Variants in CDKAL1 observed in about 807,000 individuals in gnomAD.
CDKAL1 encodes CDKAL1 threonylcarbamoyladenosine tRNA methylthiotransferase, also known as threonylcarbamoyladenosine tRNA methylthiotransferase.
A neutral mutation model predicts 68.2 loss-of-function variants in CDKAL1; 32 were observed. That is an observed-to-expected ratio of 0.47 (90% CI 0.35 to 0.63). The LOEUF is 0.63. CDKAL1 is among the 30% of genes least tolerant of loss of function. The pLI, the probability that CDKAL1 is intolerant of heterozygous loss-of-function variation, is 0.00. For synonymous variants in CDKAL1, 234 were observed against 244.3 expected (o/e 0.96, Z 0.39); for missense variants, 606 against 696.7 (o/e 0.87, Z 1.47).
intron 11 of CDKAL1, among the ~76,000 whole-genome samples, chr6:21,052,621 C>T (rs1347833393): frequency 7.3e-6 from 1 of 136,416 alleles, no homozygotes; most frequent in Non-Finnish European, 1.5e-5. Context: ...GATCCTCTTT[C>T]CTTGGCCTCC....
intron 9 of CDKAL1, among the ~76,000 whole-genome samples, chr6:20,914,498 T>C (rs879310122): frequency 2.0e-5 from 3 of 152,130 alleles, no homozygotes; most frequent in African/African-American, 4.8e-5. Context: ...TACCCCACCC[T>C]AGCTAAGTGT....
intron 13 of CDKAL1, among the ~76,000 whole-genome samples, chr6:21,149,689 A>G (rs185045073): frequency 6.6e-6 from 1 of 152,236 alleles, no homozygotes; most frequent in Admixed American, 6.5e-5. Context: ...GCCTTTCTGA[A>G]AGTGACTGCG....
chr6:20,734,720 A>G (rs567302055), intron 5 of CDKAL1, among the ~76,000 whole-genome samples: 1 of 152,356 alleles, frequency 6.6e-6, no homozygotes, highest in South Asian at 2.1e-4. Context: ...AAATTTAAAA[A>G]AATAATGAAA....
chr6:20,896,014 T>C (rs550469270), intron 9 of CDKAL1, among the ~76,000 whole-genome samples: 1 of 151,982 alleles, frequency 6.6e-6, no homozygotes, highest in South Asian at 2.1e-4. Context: ...TTCTGAGCAA[T>C]GACTGAAAGG....
chr6:21,111,771 A>G (rs1296304287), intron 13 of CDKAL1, among the ~76,000 whole-genome samples: 1 of 152,224 alleles, frequency 6.6e-6, no homozygotes, highest in Non-Finnish European at 1.5e-5. Context: ...CTCTGGTTGC[A>G]TGTCCATTTC....
At chr6:21,195,672 G>A (rs886719750) in intron 13 of CDKAL1, among the ~76,000 whole-genome samples, 3 of 151,518 alleles carry the variant, frequency 2.0e-5, no homozygotes, top group Non-Finnish European at 4.4e-5. Flanking sequence ...CACCACACTC[G>A]GCTAATTTCT....
chr6:21,156,792 T>A (rs1462563415), intron 13 of CDKAL1, among the ~76,000 whole-genome samples: 3 of 152,012 alleles, frequency 2.0e-5, no homozygotes, highest in Non-Finnish European at 2.9e-5. Context: ...TGCAGAGAGA[T>A]CCCTAGGAGC....
At chr6:21,191,902 G>A (rs973746567) in intron 13 of CDKAL1, among the ~76,000 whole-genome samples, 1 of 147,808 alleles carries the variant, frequency 6.8e-6, no homozygotes, top group Non-Finnish European at 1.5e-5. Flanking sequence ...GGGTCTTGTA[G>A]AGACGTTTCC....
chr6:20,738,080 G>T (rs552765624), intron 5 of CDKAL1, among the ~76,000 whole-genome samples: 2 of 152,288 alleles, frequency 1.3e-5, no homozygotes, highest in South Asian at 2.1e-4. Flanking sequence ...AAACTCAGCT[G>T]CTAATACCCT....
intron 11 of CDKAL1, among the ~76,000 whole-genome samples, chr6:21,014,999 A>C (rs1037854172): frequency 6.6e-6 from 1 of 152,166 alleles, no homozygotes; most frequent in African/African-American, 2.4e-5. Context: ...GTATGTATGC[A>C]GCAATTGCCT....
intron 8 of CDKAL1, among the ~76,000 whole-genome samples, chr6:20,809,484 ATG>A (rs960741564): frequency 6.6e-6 from 1 of 152,184 alleles, no homozygotes; most frequent in Non-Finnish European, 1.5e-5. Flanking sequence ...AGAGAATTTA[ATG>A]TATTGATATT....
At position 20,535,354 on chromosome 6, in the gene CDKAL1, C is replaced by T. The variant is rs557107086; in HGVS notation, c.-46C>T. On this transcript the variant is annotated 5_prime_UTR_variant, in exon 2 of 16. Transcript: ENST00000274695. ...CTAATCAATTTTTATTTTCCAGACTCATCTTTCAAGAGGACTTTAGACTAA... is the reference window on the plus strand; with the variant it reads ...CTAATCAATTTTTATTTTCCAGACTTATCTTTCAAGAGGACTTTAGACTAA... The T allele has an allele frequency of 1.3e-5, 2 of 152,418 alleles. No homozygotes were observed. The highest frequency in any genetic ancestry group is 2.9e-5 in the Non-Finnish European group (2 of 68,028). The allele number at this position is 152,418 out of a possible 1,614,324, so 9.4% of individuals were successfully genotyped here. A position where few individuals can be genotyped will look rare whatever the true frequency, so the allele number is the denominator to read the frequency against.
chr6:21,101,211 T>A (rs1773558366), intron 12 of CDKAL1, among the ~76,000 whole-genome samples: 1 of 152,124 alleles, frequency 6.6e-6, no homozygotes, highest in South Asian at 2.1e-4. Flanking sequence ...CGATCCAGAA[T>A]CATAGAGGCT....
At chr6:20,807,813 G>A (rs1354084965) in intron 8 of CDKAL1, among the ~76,000 whole-genome samples, 1 of 152,156 alleles carries the variant, frequency 6.6e-6, no homozygotes, top group African/African-American at 2.4e-5. Flanking sequence ...CAAATTTGCA[G>A]CAGATAAATA....
intron 13 of CDKAL1, among the ~76,000 whole-genome samples, chr6:21,151,973 C>A (rs991192166): frequency 2.6e-5 from 4 of 152,198 alleles, no homozygotes; most frequent in African/African-American, 9.7e-5. Flanking sequence ...ATTCTACTTG[C>A]TCCATCCTTA....
intron 4 of CDKAL1, among the ~76,000 whole-genome samples, chr6:20,614,052 C>G (rs912887532): frequency 5.3e-5 from 8 of 152,158 alleles, no homozygotes; most frequent in African/African-American, 1.9e-4. Context: ...GTTTGCATTT[C>G]TTACAAGGGT....
At chr6:20,681,150 T>A (rs529787470) in intron 5 of CDKAL1, among the ~76,000 whole-genome samples, 1 of 152,372 alleles carries the variant, frequency 6.6e-6, no homozygotes, top group African/African-American at 2.4e-5. Flanking sequence ...GTTTCACTGT[T>A]GTGAATGCAT....
At chr6:20,766,498 T>C (rs145699710) in intron 7 of CDKAL1, among the ~76,000 whole-genome samples, 1 of 152,350 alleles carries the variant, frequency 6.6e-6, no homozygotes, top group Non-Finnish European at 1.5e-5. Flanking sequence ...ACCTGTCCAG[T>C]ATGGTATCCC....
At chr6:20,719,868 G>T (rs1304692527) in intron 5 of CDKAL1, among the ~76,000 whole-genome samples, 1 of 152,042 alleles carries the variant, frequency 6.6e-6, no homozygotes, top group Non-Finnish European at 1.5e-5. Flanking sequence ...TTTCCTTATG[G>T]CTTTTTCCCC....
Sources: allele counts gnomAD v4.1 joint callset (sites outside exome capture counted in the v4.1 genomes callset), GRCh38; gene constraint gnomAD v4.1.1; transcripts MANE v1.5; gene names NCBI Gene and HGNC (gene_info 2026-07-23, HGNC 2026-07-21).